The following BMP5 variants were observed in gnomAD, a reference collection of about 807,000 sequenced individuals.
BMP5 encodes bone morphogenetic protein 5.
A neutral mutation model predicts 46.6 loss-of-function variants in BMP5; 23 were observed. The ratio of observed to expected loss-of-function variants is 0.49; its 90% CI spans 0.35 to 0.70. BMP5 has a LOEUF of 0.70. Among genes scored for constraint, BMP5 ranks in the 30% least tolerant of loss-of-function variants. BMP5 has a pLI of 0.00. For synonymous variants in BMP5, 204 were observed against 191.9 expected (o/e 1.06, Z -0.52); for missense variants, 545 against 565.6 (o/e 0.96, Z 0.37).
At chr6:55,792,183 A>G (rs1775585651) in intron 3 of BMP5, among the ~76,000 whole-genome samples, 1 of 152,234 alleles carries the variant, frequency 6.6e-6, no homozygotes, top group Non-Finnish European at 1.5e-5. Context: ...GAGCATAGGG[A>G]AGGTCTGAAC....
At chr6:55,761,494 T>C (rs1453145606) in intron 4 of BMP5, among the ~76,000 whole-genome samples, 2 of 152,078 alleles carry the variant, frequency 1.3e-5, no homozygotes, top group African/African-American at 4.8e-5. Context: ...ATTACCCCTC[T>C]GACTCTCACT....
chr6:55,785,230 G>A (rs1258363415), intron 3 of BMP5, among the ~76,000 whole-genome samples: 7 of 151,784 alleles, frequency 4.6e-5, no homozygotes, highest in Admixed American at 2.0e-4. Context: ...TGAAATCAGC[G>A]TATAAAAAAG....
chr6:55,871,122 T>A (rs975907891), intron 1 of BMP5, among the ~76,000 whole-genome samples: 3 of 151,914 alleles, frequency 2.0e-5, no homozygotes, highest in Admixed American at 2.0e-4. Context: ...AAACAAGAGA[T>A]AAATATTGTA....
In BMP5 at chr6:55,755,081, G is replaced by C. The variant is rs1774548150; in HGVS notation, c.*452C>G. The C allele has an allele frequency of 6.6e-6, 1 of 152,306 alleles. No individual in the cohort carries two copies. Among genetic ancestry groups the C allele is most frequent in the South Asian group, 2.1e-4 (1 of 4,856 alleles). 9.4% of individuals were successfully genotyped at this position (152,306 alleles called of 1,614,324 possible). A position where few individuals can be genotyped will look rare whatever the true frequency, so the allele number is the denominator to read the frequency against. ...TGTGTTTATCCAAGAATTTTTGTTTGGGTTGTTATTTTTTTAAGTCTTATT... is the reference window on the plus strand; with the variant it reads ...TGTGTTTATCCAAGAATTTTTGTTTCGGTTGTTATTTTTTTAAGTCTTATT... On this transcript the variant is annotated 3_prime_UTR_variant, in exon 7 of 7. Coordinates refer to ENST00000370830, the MANE Select transcript of BMP5 (RefSeq NM_021073.4).
intron 1 of BMP5, among the ~76,000 whole-genome samples, chr6:55,838,321 G>A (rs1229357901): frequency 1.2e-4 from 19 of 152,054 alleles, no homozygotes; most frequent in Admixed American, 1.2e-3. Context: ...CCTGTCTTTT[G>A]GATATAAGCC....
At chr6:55,772,354 C>T (rs1775066886) in intron 4 of BMP5, among the ~76,000 whole-genome samples, 1 of 151,840 alleles carries the variant, frequency 6.6e-6, no homozygotes, top group Non-Finnish European at 1.5e-5. Flanking sequence ...ACCGGAACAC[C>T]TCTGCCAGAG....
intron 2 of BMP5, among the ~76,000 whole-genome samples, chr6:55,808,212 C>T (rs992137705): frequency 2.6e-5 from 4 of 152,142 alleles, no homozygotes; most frequent in South Asian, 4.1e-4. Context: ...AGGCCCTGCC[C>T]AGTGAGGAGG....
intron 3 of BMP5, among the ~76,000 whole-genome samples, chr6:55,774,644 C>T (rs112266516): frequency 1.8e-3 from 278 of 152,050 alleles, no homozygotes; most frequent in African/African-American, 6.2e-3. Flanking sequence ...TTATAAAAGC[C>T]GAATACTTGG....
At chr6:55,769,194 C>T (rs891503531) in intron 4 of BMP5, among the ~76,000 whole-genome samples, 1 of 151,826 alleles carries the variant, frequency 6.6e-6, no homozygotes, top group Non-Finnish European at 1.5e-5. Flanking sequence ...ACAAAAGATT[C>T]TTTGTGTAGT....
intron 3 of BMP5, among the ~76,000 whole-genome samples, chr6:55,775,266 T>C (rs905619590): frequency 4.6e-5 from 7 of 151,968 alleles, no homozygotes; most frequent in African/African-American, 1.2e-4. Context: ...GTTGCTGTGC[T>C]AGGCATCTTT....
intron 1 of BMP5, among the ~76,000 whole-genome samples, chr6:55,867,530 G>A (rs138401704): frequency 5.7e-4 from 87 of 152,196 alleles, no homozygotes; most frequent in African/African-American, 2.0e-3. Flanking sequence ...GGGGCAGGCG[G>A]GAAGGGATGA....
At chr6:55,804,367 G>C (rs1224764103) in intron 2 of BMP5, among the ~76,000 whole-genome samples, 1 of 152,170 alleles carries the variant, frequency 6.6e-6, no homozygotes, top group Non-Finnish European at 1.5e-5. Flanking sequence ...AGGGCTACCA[G>C]AAGATGAAAA....
chr6:55,825,560 TA>T (rs1456051327), intron 1 of BMP5, among the ~76,000 whole-genome samples: 1 of 151,834 alleles, frequency 6.6e-6, no homozygotes, highest in African/African-American at 2.4e-5. Flanking sequence ...TGAAGACTTT[TA>T]TTGTTGAGAT....
At chr6:55,759,194 A>ACC in intron 5 of BMP5, 79 bp from the exon 6 acceptor site, 1 of 797,410 alleles carries the variant, frequency 1.3e-6, no homozygotes. Context: ...CAACAAGAAA[A>ACC]AATATCACCA....
intron 1 of BMP5, among the ~76,000 whole-genome samples, chr6:55,845,964 G>A (rs908249954): frequency 6.6e-6 from 1 of 151,950 alleles, no homozygotes; most frequent in Non-Finnish European, 1.5e-5. Context: ...CTTGGAGGCA[G>A]CAATGCTGTC....
At chr6:55,794,586 A>G (rs113095838) in intron 2 of BMP5, among the ~76,000 whole-genome samples, 159 bp from the exon 3 acceptor site, 88 of 152,342 alleles carry the variant, frequency 5.8e-4, no homozygotes, top group African/African-American at 2.1e-3. Flanking sequence ...AATAAGATAC[A>G]AAACCTTTGT....
chr6:55,867,862 C>T (rs1346703383), intron 1 of BMP5, among the ~76,000 whole-genome samples: 1 of 152,176 alleles, frequency 6.6e-6, no homozygotes, highest in Non-Finnish European at 1.5e-5. Flanking sequence ...CAAGTTCACG[C>T]TGCTAGTAAG....
chr6:55,850,260 T>C (rs1300361914), intron 1 of BMP5, among the ~76,000 whole-genome samples: 1 of 152,108 alleles, frequency 6.6e-6, no homozygotes, highest in Non-Finnish European at 1.5e-5. Flanking sequence ...TATAAATCGC[T>C]TAGACATGCC....
At chr6:55,815,846 A>C (rs1158323322) in intron 2 of BMP5, among the ~76,000 whole-genome samples, 1 of 152,138 alleles carries the variant, frequency 6.6e-6, no homozygotes, top group African/African-American at 2.4e-5. Context: ...ATAGACTCTT[A>C]GTTCTTTATT....
Sources: gnomAD v4.1 joint callset for allele counts (sites outside exome capture counted in the v4.1 genomes callset) on GRCh38, gnomAD v4.1.1 for gene constraint, MANE v1.5 for transcripts, NCBI Gene and HGNC (gene_info 2026-07-23, HGNC 2026-07-21) for gene names.